The following ENOPH1 variants were observed in gnomAD, a reference collection of about 807,000 sequenced individuals.
The protein encoded by ENOPH1 is enolase-phosphatase 1.
ENOPH1 carries 14 observed loss-of-function variants against 31.1 expected under a neutral mutation model. That is an observed-to-expected ratio of 0.45 (90% CI 0.30 to 0.70). ENOPH1 has a LOEUF of 0.70. ENOPH1 is among the 30% of genes least tolerant of loss of function. ENOPH1 has a pLI of 0.09. For synonymous variants in ENOPH1, 127 were observed against 123.2 expected (o/e 1.03, Z -0.21); for missense variants, 243 against 321.5 (o/e 0.76, Z 1.87).
chr4:82,431,253 C>T (rs994162440), intron 1 of ENOPH1, among the ~76,000 whole-genome samples: 9 of 152,244 alleles, frequency 5.9e-5, no homozygotes, highest in African/African-American at 2.2e-4. Flanking sequence ...CGGTCGCTTC[C>T]GCAGGTGAGC....
At chr4:82,438,595 G>C (rs1721965928) in intron 1 of ENOPH1, among the ~76,000 whole-genome samples, 1 of 152,358 alleles carries the variant, frequency 6.6e-6, no homozygotes, top group Admixed American at 6.5e-5. Context: ...AGAGACTGTG[G>C]TGAGGTGTGA....
At chr4:82,449,537 A>G (rs1343108555) in intron 2 of ENOPH1, among the ~76,000 whole-genome samples, 2 of 152,112 alleles carry the variant, frequency 1.3e-5, no homozygotes, top group East Asian at 3.9e-4. Flanking sequence ...GGGAGGTGCT[A>G]CACACTTTAA....
At position 82,456,944 on chromosome 4, in the gene ENOPH1, T is replaced by G. The variant is rs1396474058; in HGVS notation, c.552T>G (p.Ile184Met). ...ELVDGHFDTKIGHKVESESYR... is the reference protein window; with the variant it reads ...ELVDGHFDTKMGHKVESESYR... ...TTGATGGTCACTTTGATACCAAGATTGGACACAAAGTAGAGAGTGAAAGTT... is the reference window on the plus strand; with the variant it reads ...TTGATGGTCACTTTGATACCAAGATGGGACACAAAGTAGAGAGTGAAAGTT... Residue 184 changes from isoleucine (I) to methionine (M), a missense_variant, in exon 5 of 6, where the codon ATT becomes ATG. Physicochemically the swap from Ile to Met is conservative, Grantham distance 10. Coordinates refer to ENST00000273920, the MANE Select transcript of ENOPH1 (RefSeq NM_021204.5). 6.2e-7 allele frequency: 1 copy of G among 1,613,962 alleles called. No homozygotes were observed. The highest frequency in any genetic ancestry group is 8.5e-7 in the Non-Finnish European group (1 of 1,179,992).
At chr4:82,456,866 G>C in intron 4 of ENOPH1, 49 bp from the exon 5 acceptor site, 1 of 1,600,326 alleles carries the variant, frequency 6.2e-7, no homozygotes, top group Non-Finnish European at 8.5e-7. Context: ...GGCATGAGGG[G>C]CATGCAAGTG....
intron 1 of ENOPH1, among the ~76,000 whole-genome samples, chr4:82,438,695 A>AT (rs1387224915): frequency 6.6e-6 from 1 of 152,124 alleles, no homozygotes; most frequent in African/African-American, 2.4e-5. Flanking sequence ...AGGGGCACTG[A>AT]TTTTAAGCTA....
chr4:82,436,789 G>A (rs139586618), intron 1 of ENOPH1, among the ~76,000 whole-genome samples: 4 of 151,912 alleles, frequency 2.6e-5, no homozygotes, highest in African/African-American at 9.7e-5. Context: ...CAGGAGACCT[G>A]GGCTGCCTAC....
At chr4:82,430,942 A>T in intron 1 of ENOPH1, 29 bp downstream of exon 1, 1 of 1,593,390 alleles carries the variant, frequency 6.3e-7, no homozygotes, top group Non-Finnish European at 8.6e-7. Context: ...CGGGGATGTT[A>T]CTTTTCCTTA....
In ENOPH1 at chr4:82,460,220, T is replaced by G; in HGVS notation, c.*100T>G. 3.3e-6 allele frequency: 4 copies of G among 1,203,702 alleles called. No individual in the cohort carries two copies. Among genetic ancestry groups the G allele is most frequent in the Non-Finnish European group, 3.6e-6 (3 of 833,542 alleles). 74.6% of individuals were successfully genotyped at this position (1,203,702 alleles called of 1,614,324 possible). A position where few individuals can be genotyped will look rare whatever the true frequency, so the allele number is the denominator to read the frequency against. ...AAGTAACTTACTTAAAAAACATATG[T>G]ACACATATGTATGCAAGTATGTATA... On this transcript the variant is annotated 3_prime_UTR_variant, in exon 6 of 6. Coordinates refer to ENST00000273920, the MANE Select transcript of ENOPH1 (RefSeq NM_021204.5).
chr4:82,440,266 C>G (rs1210271820), intron 1 of ENOPH1, among the ~76,000 whole-genome samples: 1 of 152,176 alleles, frequency 6.6e-6, no homozygotes, highest in Non-Finnish European at 1.5e-5. Flanking sequence ...CATAATCTCT[C>G]ATTTTCTTTG....
At chr4:82,446,675 T>G (rs762451467) in intron 1 of ENOPH1, among the ~76,000 whole-genome samples, 7,123 of 145,364 alleles carry the variant, frequency 0.049, 405 homozygotes, top group East Asian at 0.12. Context: ...TTTTTTTTTT[T>G]TGTGTGACGG....
At chr4:82,441,404 C>T (rs1326858872) in intron 1 of ENOPH1, among the ~76,000 whole-genome samples, 3 of 152,062 alleles carry the variant, frequency 2.0e-5, no homozygotes, top group African/African-American at 2.4e-5. Flanking sequence ...GGGCAGATCA[C>T]GAGGTCAGGA....
chr4:82,433,599 G>A lies in ENOPH1; in HGVS notation c.84+2686G>A, dbSNP rs374781569. Among the ~76,000 whole-genome samples, 7 of 152,260 alleles carry A rather than the reference G, an allele frequency of 4.6e-5. No individual in the cohort carries two copies. The East Asian group carries it at 9.6e-4, about 21-fold the overall frequency. On this transcript the variant is annotated intron_variant, in intron 1 of 5. Coordinates refer to ENST00000273920, the MANE Select transcript of ENOPH1 (RefSeq NM_021204.5). ...AAAAGTATGTTTAAAAGAAAGTTAG[G>A]TCTGTGTGGATGTTTATGGTAATTA...
chr4:82,454,701 A>G (rs528887908), intron 3 of ENOPH1, 21 bp from the exon 4 acceptor site: 17 of 1,607,428 alleles, frequency 1.1e-5, no homozygotes, highest in Admixed American at 1.7e-5. Flanking sequence ...CTGTATTTTA[A>G]CTTAGTGGTC....
intron 4 of ENOPH1, among the ~76,000 whole-genome samples, chr4:82,455,192 T>G (rs933302754): frequency 5.3e-5 from 8 of 152,192 alleles, no homozygotes; most frequent in Non-Finnish European, 1.2e-4. Context: ...AGATTTCATT[T>G]AAGAAGAACC....
At chr4:82,447,719 G>A (rs1722231496) in intron 1 of ENOPH1, among the ~76,000 whole-genome samples, 1 of 152,214 alleles carries the variant, frequency 6.6e-6, no homozygotes, top group Non-Finnish European at 1.5e-5. Flanking sequence ...TTGGCCTGCA[G>A]GTTGTAGTTT....
At chr4:82,441,739 C>T (rs1289790732) in intron 1 of ENOPH1, among the ~76,000 whole-genome samples, 1 of 152,048 alleles carries the variant, frequency 6.6e-6, no homozygotes, top group Non-Finnish European at 1.5e-5. Context: ...CAGGAGTTCA[C>T]GACCCGCCTG....
chr4:82,457,463 G>A lies in ENOPH1; in HGVS notation c.646+425G>A, dbSNP rs536879550. Among the ~76,000 whole-genome samples the A allele has an allele frequency of 2.4e-4, 36 of 152,308 alleles. No homozygotes were observed. The South Asian group carries it at 6.8e-3, about 29-fold the overall frequency. ...CAGGAGGTCGAGGCCGCAGTGAGCC[G>A]TGTTTGTGCCACTGCACTCCAGCCT... On this transcript the variant is annotated intron_variant, in intron 5 of 5. Coordinates refer to ENST00000273920, the MANE Select transcript of ENOPH1 (RefSeq NM_021204.5).
Position 82,456,908 on chromosome 4 carries a change from T to C in ENOPH1, c.523-7T>C. 1 of 1,613,628 alleles carries C rather than the reference T, an allele frequency of 6.2e-7. No individual in the cohort carries two copies. On this transcript the variant is annotated splice_region_variant and splice_polypyrimidine_tract_variant and intron_variant, in intron 4 of 5. Coordinates refer to ENST00000273920, the MANE Select transcript of ENOPH1 (RefSeq NM_021204.5). ...TATTGCCAGTCTTTCCCCTTCTCTT[T>C]GTTCAGCTTGTTGATGGTCACTTTG...
At chr4:82,441,649 A>G (rs937054469) in intron 1 of ENOPH1, among the ~76,000 whole-genome samples, 5 of 152,054 alleles carry the variant, frequency 3.3e-5, no homozygotes, top group Non-Finnish European at 7.4e-5. Context: ...AAAATAAAAT[A>G]AAGTAAAAAC....
Sources: allele counts gnomAD v4.1 joint callset (sites outside exome capture counted in the v4.1 genomes callset), GRCh38; gene constraint gnomAD v4.1.1; transcripts MANE v1.5; gene names NCBI Gene and HGNC (gene_info 2026-07-23, HGNC 2026-07-21).